The following TTC34 variants were observed in gnomAD, a reference collection of about 807,000 sequenced individuals.
TTC34 encodes the protein tetratricopeptide repeat protein 34.
In TTC34, 44 loss-of-function variants were observed where a neutral mutation model predicts 40.7. The observed-to-expected ratio is 1.08, with a 90% CI of 0.85 to 1.39. The LOEUF is 1.39. Ranked by LOEUF, TTC34 falls within the 40% of genes most tolerant of loss-of-function variation. The pLI is 0.00. For missense variants in TTC34, 884 were observed against 838.0 expected (o/e 1.05, Z -0.68); for synonymous variants, 422 against 398.6 (o/e 1.06, Z -0.70).
intron 6 of TTC34, among the ~76,000 whole-genome samples, chr1:2,650,938 C>A (rs1173183463): frequency 6.7e-6 from 1 of 150,364 alleles, no homozygotes; most frequent in African/African-American, 2.5e-5. Context: ...CCCTAAATGA[C>A]ACCCCAACCC....
At chr1:2,768,206 C>T (rs897998081) in intron 6 of TTC34, among the ~76,000 whole-genome samples, 3 of 151,536 alleles carry the variant, frequency 2.0e-5, no homozygotes, top group Non-Finnish European at 4.4e-5. Context: ...GCAGTGCCCA[C>T]CCCTGGGTGA....
chr1:2,778,217 G>A (rs1284321532), intron 6 of TTC34, among the ~76,000 whole-genome samples: 1 of 152,328 alleles, frequency 6.6e-6, no homozygotes, highest in Non-Finnish European at 1.5e-5. Context: ...TAGAACTCCA[G>A]CCCTTAAGAA....
In TTC34 at chr1:2,645,417, G is replaced by A. The variant is rs1639000379; in HGVS notation, c.2373C>T (p.Asp791=). 2 of 1,535,892 alleles carry A rather than the reference G, an allele frequency of 1.3e-6. No homozygotes were observed. The highest frequency in any genetic ancestry group is 1.7e-6 in the Non-Finnish European group (2 of 1,146,800). ...CCTTGTCCTCGAGAGGGGCCCCAGT[G>A]TCTGGCAGCTGGCTCAGAAGGGCCC... The change falls in exon 7 of 9, where the codon GAC becomes GAT. Residue 791 remains aspartate, a synonymous_variant. Coordinates refer to ENST00000401095, the Ensembl canonical transcript of TTC34. The surrounding 1 kb of genome is among the most constrained non-coding windows in gnomAD (Gnocchi z 4.7).
At chr1:2,699,593 A>G (rs1243307443) in intron 6 of TTC34, among the ~76,000 whole-genome samples, 5 of 126,528 alleles carry the variant, frequency 4.0e-5, no homozygotes, top group Non-Finnish European at 3.6e-5. Flanking sequence ...AGCATCTGAC[A>G]GCCTGGAGCA....
intron 6 of TTC34, among the ~76,000 whole-genome samples, chr1:2,773,133 C>A (rs1430845115): frequency 2.7e-5 from 4 of 148,838 alleles, no homozygotes; most frequent in African/African-American, 9.9e-5. Flanking sequence ...GAGCAGCACA[C>A]ACAACCCCAG....
intron 2 of TTC34, among the ~76,000 whole-genome samples, chr1:2,798,803 C>T (rs1483454302): frequency 8.0e-6 from 1 of 124,786 alleles, no homozygotes; most frequent in Non-Finnish European, 1.7e-5. Flanking sequence ...CCCAGCCTCT[C>T]AGCCTTCAAG....
chr1:2,650,050 A>G (rs573303884), intron 6 of TTC34, among the ~76,000 whole-genome samples: 8 of 151,404 alleles, frequency 5.3e-5, no homozygotes, highest in African/African-American at 1.9e-4. Context: ...GGCACTCTGC[A>G]TCCCCAGGTG....
intron 6 of TTC34, among the ~76,000 whole-genome samples, chr1:2,779,563 T>C (rs1643445420): frequency 6.6e-6 from 1 of 152,214 alleles, no homozygotes. Flanking sequence ...GACCTCGTGA[T>C]CCACCCTCCT....
rs1161758131 is a variant in TTC34, at chr1:2,692,179, A to C, written c.2227-46616T>G. ...AGCATCTGACGGCCTGGAACAGCAC[A>C]CACACCGCCAGGTGAGCATTGGACA... On this transcript the variant is annotated intron_variant, in intron 6 of 8. Coordinates refer to ENST00000401095, the Ensembl canonical transcript of TTC34. Among the ~76,000 whole-genome samples the C allele has an allele frequency of 4.2e-3, 50 of 11,904 alleles. 1 individual carries two copies. The highest frequency in any genetic ancestry group is 6.5e-3 in the South Asian group (2 of 310). The allele number at this position is 11,904 out of a possible 152,430, so 7.8% of individuals were successfully genotyped here.
intron 6 of TTC34, among the ~76,000 whole-genome samples, chr1:2,691,722 C>A (rs572832684): frequency 1.0e-5 from 1 of 98,440 alleles, no homozygotes; most frequent in African/African-American, 3.4e-5. Flanking sequence ...GAGCATTGGA[C>A]AGCCTGGAGC....
intron 6 of TTC34, among the ~76,000 whole-genome samples, chr1:2,656,355 A>G (rs1485018599): frequency 5.6e-5 from 8 of 142,520 alleles, no homozygotes; most frequent in Admixed American, 7.0e-5. Flanking sequence ...AGCATCTGAC[A>G]GCCTGGAACA....
intron 6 of TTC34, among the ~76,000 whole-genome samples, chr1:2,752,576 C>T (rs1394363918): frequency 9.5e-5 from 6 of 62,936 alleles, no homozygotes; most frequent in Non-Finnish European, 1.4e-4. Context: ...CTTGCACCCC[C>T]AGGTGAGAAT....
chr1:2,752,983 G>T, intron 6 of TTC34, among the ~76,000 whole-genome samples: 1 of 142,338 alleles, frequency 7.0e-6, no homozygotes, highest in Non-Finnish European at 1.5e-5. Context: ...ACCCCCAGGT[G>T]AGCATCTGAC....
chr1:2,641,637 C>T, exon 9 of TTC34: 2 of 1,535,148 alleles, frequency 1.3e-6, no homozygotes, highest in African/African-American at 1.4e-5. Context: ...GCCTCATCCC[C>T]CAGGCTCAGC....
intron 6 of TTC34, among the ~76,000 whole-genome samples, chr1:2,695,756 C>A (rs1321946207): frequency 6.8e-6 from 1 of 146,634 alleles, no homozygotes; most frequent in Non-Finnish European, 1.5e-5. Context: ...GCACCCACAC[C>A]CCCAGGTGAG....
At chr1:2,750,582 A>T (rs1569690149) in intron 6 of TTC34, among the ~76,000 whole-genome samples, 4 of 148,446 alleles carry the variant, frequency 2.7e-5, no homozygotes, top group South Asian at 2.2e-4. Context: ...TGAGCATCTG[A>T]CATCGTGGAG....
chr1:2,686,723 C>A (rs796275675), intron 6 of TTC34, among the ~76,000 whole-genome samples: 4,276 of 71,910 alleles, frequency 0.059, no homozygotes, highest in East Asian at 0.11. Context: ...GCACACACAC[C>A]CCCAGGCGAG....
At chr1:2,750,851 A>T (rs1641296239) in intron 6 of TTC34, among the ~76,000 whole-genome samples, 1 of 128,110 alleles carries the variant, frequency 7.8e-6, no homozygotes, top group African/African-American at 3.3e-5. Flanking sequence ...CCACACACCC[A>T]GGTGAGCATC....
rs763365807 is a variant in TTC34 at position 2,641,402 on chromosome 1, C to T, written c.3206G>A (p.Arg1069Gln). Residue 1069 changes from arginine (R) to glutamine (Q), a missense_variant, in exon 9 of 9, where the codon CGG becomes CAG. Transcript: ENST00000401095. ...CCAGCAGCCTGAGGATGCCTCCCTCCGGATTCTGGCCTTCAGTCTCTTCAG... is the reference window on the plus strand; with the variant it reads ...CCAGCAGCCTGAGGATGCCTCCCTCTGGATTCTGGCCTTCAGTCTCTTCAG... 5.2e-5 allele frequency: 80 copies of T among 1,527,286 alleles called. No homozygotes were observed. In the South Asian group the frequency reaches 6.5e-4, roughly 12 times the overall value. 94.6% of individuals were successfully genotyped at this position (1,527,286 alleles called of 1,614,324 possible). A position where few individuals can be genotyped will look rare whatever the true frequency, so the allele number is the denominator to read the frequency against.
Sources: gnomAD v4.1 joint callset for allele counts (sites outside exome capture counted in the v4.1 genomes callset) on GRCh38, gnomAD v4.1.1 for gene constraint, Gnocchi (gnomAD v3.1) non-coding constraint, MANE v1.5 for transcripts, NCBI Gene and HGNC (gene_info 2026-07-23, HGNC 2026-07-21) for gene names.